MAL2: variants seen among roughly 807,000 people sequenced by gnomAD.
The protein encoded by MAL2 is mal, T cell differentiation protein 2.
Under a neutral mutation model 18.1 loss-of-function variants are expected in MAL2, and 17 were observed. The ratio of observed to expected loss-of-function variants is 0.94; its 90% CI spans 0.64 to 1.41. The LOEUF (loss-of-function observed/expected upper bound fraction) is 1.41. Among genes scored for constraint, MAL2 ranks in the 40% most tolerant of loss-of-function variants. The probability of loss-of-function intolerance (pLI) is 0.00; values close to 1 mark genes in which losing one functional copy is unlikely to be tolerated. For missense variants in MAL2, 222 were observed against 231.9 expected (o/e 0.96, Z 0.28); for synonymous variants, 102 against 102.3 (o/e 1.00, Z 0.02).
chr8:119,230,514 A>G (rs1045910333), intron 2 of MAL2, among the ~76,000 whole-genome samples: 14 of 152,166 alleles, frequency 9.2e-5, no homozygotes, highest in Non-Finnish European at 1.5e-5. Context: ...CCATGTGTAA[A>G]GAGTAGCATC....
chr8:119,241,462 G>A lies in MAL2; in HGVS notation c.459+1142G>A, dbSNP rs542162562. Among the ~76,000 whole-genome samples, 27 of 136,198 alleles carry A rather than the reference G, an allele frequency of 2.0e-4. 1 individual carries two copies. The South Asian group carries it at 4.4e-3, about 22-fold the overall frequency. The allele number at this position is 136,198 out of a possible 152,430, so 89.4% of individuals were successfully genotyped here. ...GGCGGAGGTTGCAGTGAGCAGAGCA[G>A]TCTGAGCGACAGACCAAGACTCTGG... On this transcript the variant is annotated intron_variant, in intron 3 of 3. Coordinates refer to ENST00000614891, the MANE Select transcript of MAL2 (RefSeq NM_052886.3).
At chr8:119,243,374 G>T in intron 3 of MAL2, 43 bp from the exon 4 acceptor site, 1 of 1,467,322 alleles carries the variant, frequency 6.8e-7, no homozygotes, top group Non-Finnish European at 9.3e-7. Flanking sequence ...TTTATAAGTC[G>T]GTGTTGTAAA....
chr8:119,235,334 T>C (rs1817857728), intron 2 of MAL2, among the ~76,000 whole-genome samples: 1 of 152,126 alleles, frequency 6.6e-6, no homozygotes, highest in Non-Finnish European at 1.5e-5. Flanking sequence ...TTGGGGTACC[T>C]GAAAGTGATG....
At chr8:119,241,890 G>A (rs896434622) in intron 3 of MAL2, among the ~76,000 whole-genome samples, 1 of 152,234 alleles carries the variant, frequency 6.6e-6, no homozygotes, top group Non-Finnish European at 1.5e-5. Flanking sequence ...TGGAGGAAGA[G>A]GGCCTTGAAT....
At chr8:119,217,086 G>A (rs750668675) in intron 1 of MAL2, among the ~76,000 whole-genome samples, 5 of 152,324 alleles carry the variant, frequency 3.3e-5, no homozygotes, top group Non-Finnish European at 5.9e-5. Flanking sequence ...ATGTTTTCCC[G>A]TGGGACTATG....
At chr8:119,230,176 T>C (rs1007124461) in intron 2 of MAL2, among the ~76,000 whole-genome samples, 5 of 152,266 alleles carry the variant, frequency 3.3e-5, no homozygotes, top group Middle Eastern at 3.4e-3. Context: ...GCTCTAAAAC[T>C]CCAGGAACCT....
chr8:119,212,255 G>A (rs991375421), intron 1 of MAL2, among the ~76,000 whole-genome samples: 2 of 152,114 alleles, frequency 1.3e-5, no homozygotes, highest in African/African-American at 4.8e-5. Flanking sequence ...TATTAATCAC[G>A]AAAAAGAATA....
chr8:119,242,512 G>C (rs191371977), intron 3 of MAL2, among the ~76,000 whole-genome samples: 13 of 152,134 alleles, frequency 8.5e-5, no homozygotes, highest in Non-Finnish European at 1.6e-4. Flanking sequence ...CCTAATAATA[G>C]GTATCAAATA....
chr8:119,211,150 T>G (rs1587116384), intron 1 of MAL2, among the ~76,000 whole-genome samples: 1 of 152,308 alleles, frequency 6.6e-6, no homozygotes, highest in East Asian at 1.9e-4. Flanking sequence ...ATGTCTCAAT[T>G]TCCATCTAAT....
intron 1 of MAL2, among the ~76,000 whole-genome samples, chr8:119,217,427 C>T (rs1817375520): frequency 6.6e-6 from 1 of 152,108 alleles, no homozygotes; most frequent in Non-Finnish European, 1.5e-5. Context: ...GATACCTACT[C>T]CTAGGAGGTT....
chr8:119,211,544 C>T (rs1258920595), intron 1 of MAL2, among the ~76,000 whole-genome samples: 1 of 152,104 alleles, frequency 6.6e-6, no homozygotes, highest in East Asian at 1.9e-4. Context: ...CCCAATTCCC[C>T]TTAACGTATT....
At chr8:119,237,405 A>G (rs1364194427) in intron 2 of MAL2, among the ~76,000 whole-genome samples, 1 of 151,682 alleles carries the variant, frequency 6.6e-6, no homozygotes, top group Non-Finnish European at 1.5e-5. Flanking sequence ...TCCAATCAAT[A>G]GAAAAAGAGG....
At chr8:119,241,062 A>C (rs1444940259) in intron 3 of MAL2, among the ~76,000 whole-genome samples, 5 of 152,150 alleles carry the variant, frequency 3.3e-5, no homozygotes, top group Non-Finnish European at 7.3e-5. Flanking sequence ...TAGTGACCCT[A>C]ATGTTTTATT....
rs1386003459 is a variant in MAL2, at chr8:119,208,550, C to T, written c.78C>T (p.Pro26=). ...TCCCGCCGCCCCGGGTCACCCTGCC[C>T]GCCGGCCCCGACATCCTGCGGACCT... ...VSFPPPRVTL[P]AGPDILRTYS... is the part of the protein sequence containing the mutation. The change falls in exon 1 of 4, where the codon CCC becomes CCT. Residue 26 remains proline (P), a synonymous_variant. Coordinates refer to ENST00000614891, the MANE Select transcript of MAL2 (RefSeq NM_052886.3). This position sits in a 1 kb window ranked among gnomAD's most constrained non-coding sequence, Gnocchi z 4.3. 40 of 1,399,952 alleles carry T rather than the reference C, an allele frequency of 2.9e-5. 1 individual carries two copies. The highest frequency in any genetic ancestry group is 3.5e-5 in the Non-Finnish European group (38 of 1,072,354). 86.7% of individuals were successfully genotyped at this position (1,399,952 alleles called of 1,614,324 possible).
At chr8:119,212,974 T>G (rs1817288721) in intron 1 of MAL2, among the ~76,000 whole-genome samples, 1 of 152,128 alleles carries the variant, frequency 6.6e-6, no homozygotes, top group Non-Finnish European at 1.5e-5. Flanking sequence ...CTTTGAGTGA[T>G]GAAGTTTGGT....
rs1474124103 is a variant in MAL2, at chr8:119,244,313, AATTTCTCAGGCAG to A, written c.*827_*839del. 1 of 152,068 alleles carries A rather than the reference AATTTCTCAGGCAG, an allele frequency of 6.6e-6. No individual in the cohort carries two copies. Among genetic ancestry groups the A allele is most frequent in the African/African-American group, 2.4e-5 (1 of 41,334 alleles). The allele number at this position is 152,068 out of a possible 1,614,324, so 9.4% of individuals were successfully genotyped here. A position where few individuals can be genotyped will look rare whatever the true frequency, so the allele number is the denominator to read the frequency against. ...TACTTACCTTTGGAGGAATGTATAA[AATTTCTCAGGCAG>A]AGTCCTGGATATAGGAAAAAGTAAT... On this transcript the variant is annotated 3_prime_UTR_variant, in exon 4 of 4. Coordinates refer to ENST00000614891, the MANE Select transcript of MAL2 (RefSeq NM_052886.3).
At chr8:119,216,294 G>A (rs1314168217) in intron 1 of MAL2, among the ~76,000 whole-genome samples, 1 of 152,130 alleles carries the variant, frequency 6.6e-6, no homozygotes, top group East Asian at 1.9e-4. Flanking sequence ...ACTAAACCAT[G>A]AGAGGGGCAG....
intron 1 of MAL2, among the ~76,000 whole-genome samples, chr8:119,212,420 A>G (rs1288327970): frequency 1.3e-5 from 2 of 152,192 alleles, no homozygotes; most frequent in Non-Finnish European, 2.9e-5. Flanking sequence ...TGGATGCCAT[A>G]GTAATTTTCA....
intron 2 of MAL2, among the ~76,000 whole-genome samples, chr8:119,231,322 G>A (rs767828649): frequency 5.3e-5 from 8 of 152,186 alleles, no homozygotes; most frequent in Non-Finnish European, 8.8e-5. Flanking sequence ...GTGAGCCACT[G>A]TGCCCAGCCA....
Sources: allele counts gnomAD v4.1 joint callset (sites outside exome capture counted in the v4.1 genomes callset), GRCh38; gene constraint gnomAD v4.1.1; non-coding constraint Gnocchi (gnomAD v3.1); transcripts MANE v1.5; gene names NCBI Gene and HGNC (gene_info 2026-07-23, HGNC 2026-07-21).